The following ARHGAP29 variants were observed in gnomAD, a reference collection of about 807,000 sequenced individuals.
ARHGAP29 encodes the protein Rho GTPase activating protein 29, also known as rho GTPase-activating protein 29.
A neutral mutation model predicts 122.6 loss-of-function variants in ARHGAP29; 43 were observed. That is an observed-to-expected ratio of 0.35 (90% CI 0.27 to 0.45). ARHGAP29 has a LOEUF of 0.45. Among genes scored for constraint, ARHGAP29 ranks in the 20% least tolerant of loss-of-function variants. The probability of loss-of-function intolerance (pLI) is 1.00; values close to 1 mark genes in which losing one functional copy is unlikely to be tolerated. For missense variants in ARHGAP29, 1,303 were observed against 1,477.2 expected, an observed-to-expected ratio of 0.88 and a Z score of 1.93; for synonymous variants, 506 against 497.1, an observed-to-expected ratio of 1.02 and a Z score of -0.24.
Position 94,205,154 on chromosome 1 carries a change from T to A in ARHGAP29, c.604A>T (p.Thr202Ser). The A allele has an allele frequency of 1.2e-6, 2 of 1,608,918 alleles. No homozygotes were observed. Among genetic ancestry groups the A allele is most frequent in the South Asian group, 1.1e-5 (1 of 89,820 alleles). The stretch of plus-strand genomic sequence containing the variant: ...GACAAAGCCAGCTCGATAGAGTCAG[T>A]GTTCTTTAACAGCACGTTGTCTAGT... ...LELDNVLLKNTDSIELALSYA... is the reference protein window; with the variant it reads ...LELDNVLLKNSDSIELALSYA... The change falls in exon 7 of 23, where the codon ACT becomes TCT. Residue 202 changes from threonine (T) to serine (S), a missense_variant. Physicochemically the swap from Thr to Ser is moderately conservative, Grantham distance 58. Coordinates refer to ENST00000260526, the MANE Select transcript of ARHGAP29 (RefSeq NM_004815.4).
the ARHGAP29 span, among the ~76,000 whole-genome samples, chr1:94,308,578 C>T: frequency 5.3e-5 from 8 of 152,160 alleles, no homozygotes; most frequent in Admixed American, 3.3e-4. Context: ...AGCCAAGTCA[C>T]GTCATCATTT....
At chr1:94,205,715 T>TA in intron 5 of ARHGAP29, 32 bp from the exon 6 acceptor site, 2 of 1,596,150 alleles carry the variant, frequency 1.3e-6, no homozygotes, top group Non-Finnish European at 1.7e-6. Context: ...AATTTAAAAT[T>TA]AGAGAAGAAC....
chr1:94,262,071 A>G (rs1654579255), intron 1 of ARHGAP29, among the ~76,000 whole-genome samples: 1 of 152,188 alleles, frequency 6.6e-6, no homozygotes, highest in African/African-American at 2.4e-5. Flanking sequence ...GACCAATGGA[A>G]CAAACAGATT....
At chr1:94,293,613 G>C in the ARHGAP29 span, among the ~76,000 whole-genome samples, 1 of 152,172 alleles carries the variant, frequency 6.6e-6, no homozygotes, top group African/African-American at 2.4e-5. Context: ...GACCGTCTTG[G>C]AAGTGACCCA....
chr1:94,204,803 T>C (rs1651090206), intron 7 of ARHGAP29, among the ~76,000 whole-genome samples: 3 of 152,228 alleles, frequency 2.0e-5, no homozygotes, highest in Non-Finnish European at 2.9e-5. Context: ...CATTTCCTCT[T>C]ACCCACTAGA....
chr1:94,190,158 G>C, intron 12 of ARHGAP29, 75 bp from the exon 13 acceptor site: 1 of 1,454,280 alleles, frequency 6.9e-7, no homozygotes, highest in Non-Finnish European at 9.4e-7. Flanking sequence ...TTATTTCAAT[G>C]ACTGCACCAA....
chr1:94,287,611 G>T, the ARHGAP29 span, among the ~76,000 whole-genome samples: 1 of 151,850 alleles, frequency 6.6e-6, no homozygotes, highest in Non-Finnish European at 1.5e-5. Flanking sequence ...CCATTAACTC[G>T]TCATTTACAT....
the ARHGAP29 span, among the ~76,000 whole-genome samples, chr1:94,292,557 C>A: frequency 1.3e-5 from 2 of 152,308 alleles, no homozygotes; most frequent in East Asian, 3.9e-4. Flanking sequence ...GAATTTTCAG[C>A]CTTTCTGCTC....
rs1424189918 is a variant in ARHGAP29 at position 94,189,593 on chromosome 1, T to C, written c.1440-241A>G. ...GAATAGCAAAAGTATAGTTAATTCATGTCATGGTTAAACTTTTCTAGCATG... is the reference window on the plus strand; with the variant it reads ...GAATAGCAAAAGTATAGTTAATTCACGTCATGGTTAAACTTTTCTAGCATG... On this transcript the variant is annotated intron_variant, in intron 13 of 22. Coordinates refer to ENST00000260526, the MANE Select transcript of ARHGAP29 (RefSeq NM_004815.4). 2.6e-5 allele frequency among the ~76,000 whole-genome samples: 4 copies of C among 152,168 alleles called. No individual in the cohort carries two copies. The East Asian group carries it at 7.7e-4, about 29-fold the overall frequency.
the ARHGAP29 span, among the ~76,000 whole-genome samples, chr1:94,301,309 T>TAA: frequency 2.0e-5 from 3 of 152,172 alleles, no homozygotes; most frequent in African/African-American, 7.2e-5. Context: ...CCAATTAGCT[T>TAA]AAAAGCAAAA....
the ARHGAP29 span, among the ~76,000 whole-genome samples, chr1:94,290,133 G>T: frequency 6.6e-6 from 1 of 152,136 alleles, no homozygotes; most frequent in Admixed American, 6.5e-5. Context: ...GACTTTTTTT[G>T]GTTGGTAGGC....
At chr1:94,251,371 G>A (rs1004605784) in intron 1 of ARHGAP29, among the ~76,000 whole-genome samples, 1 of 151,826 alleles carries the variant, frequency 6.6e-6, no homozygotes, top group Admixed American at 6.6e-5. Context: ...GGGTTTCACC[G>A]TGTTAGCTAG....
chr1:94,281,374 T>TG, the ARHGAP29 span, among the ~76,000 whole-genome samples: 4 of 152,164 alleles, frequency 2.6e-5, no homozygotes, highest in Non-Finnish European at 5.9e-5. Context: ...AAGGCCCTTG[T>TG]GCTATCATAT....
At chr1:94,208,528 C>T (rs573367669) in intron 5 of ARHGAP29, among the ~76,000 whole-genome samples, 3 of 150,638 alleles carry the variant, frequency 2.0e-5, no homozygotes, top group East Asian at 3.9e-4. Context: ...GGTGTGATCT[C>T]GGCTCACTGC....
chr1:94,184,823 G>C (rs373365065), intron 18 of ARHGAP29, 49 bp downstream of exon 18: 2 of 1,407,064 alleles, frequency 1.4e-6, no homozygotes, highest in Admixed American at 4.7e-5. Flanking sequence ...CATTAGAATA[G>C]GTTACACAGG....
chr1:94,187,249 T>A (rs1430953724), intron 15 of ARHGAP29, among the ~76,000 whole-genome samples: 1 of 152,214 alleles, frequency 6.6e-6, no homozygotes, highest in African/African-American at 2.4e-5. Flanking sequence ...TGCACAGGCC[T>A]ATATCTAAGT....
Position 94,190,220 on chromosome 1 carries a change from C to T in ARHGAP29, c.1282-137G>A, listed in dbSNP as rs935284475. 2.1e-5 allele frequency: 17 copies of T among 819,212 alleles called. No homozygotes were observed. The Admixed American group carries it at 5.3e-4, about 26-fold the overall frequency. 50.7% of individuals were successfully genotyped at this position (819,212 alleles called of 1,614,324 possible). Reference sequence around the variant, plus strand: ...AACACTGAATATCACTCTGAACATACTATGATGCCTGATTTTGCATAAGTC... The same window carrying T: ...AACACTGAATATCACTCTGAACATATTATGATGCCTGATTTTGCATAAGTC... On this transcript the variant is annotated intron_variant, in intron 12 of 22. Transcript: ENST00000260526.
At chr1:94,272,736 G>A (rs1655039444) in intron 1 of ARHGAP29, among the ~76,000 whole-genome samples, 1 of 152,098 alleles carries the variant, frequency 6.6e-6, no homozygotes, top group African/African-American at 2.4e-5. Flanking sequence ...TTCCACGGAG[G>A]TCAGACCTGC....
At chr1:94,202,400 T>C in intron 11 of ARHGAP29, 144 bp downstream of exon 11, 1 of 933,506 alleles carries the variant, frequency 1.1e-6, no homozygotes, top group Non-Finnish European at 1.6e-6. Flanking sequence ...GTTGACCTAC[T>C]GAATGAGAAA....
Sources: gnomAD v4.1 joint callset for allele counts (sites outside exome capture counted in the v4.1 genomes callset) on GRCh38, gnomAD v4.1.1 for gene constraint, MANE v1.5 for transcripts, NCBI Gene and HGNC (gene_info 2026-07-23, HGNC 2026-07-21) for gene names.